The following MYOC variants were observed in gnomAD, a reference collection of about 807,000 sequenced individuals.
MYOC encodes the protein myocilin.
MYOC carries 29 observed loss-of-function variants against 28.2 expected under a neutral mutation model. That is an observed-to-expected ratio of 1.03 (90% confidence interval 0.77 to 1.40). MYOC has a LOEUF of 1.40. Ranked by LOEUF, MYOC falls within the 40% of genes most tolerant of loss-of-function variation. MYOC has a pLI of 0.00. For synonymous variants in MYOC, 240 were observed against 245.6 expected, an observed-to-expected ratio of 0.98 and a Z score of 0.21; for missense variants, 569 against 620.6, an observed-to-expected ratio of 0.92 and a Z score of 0.88.
Position 171,636,648 on chromosome 1 carries a change from A to C in MYOC, c.792T>G (p.Thr264=), listed in dbSNP as rs1304412356. 1.2e-6 allele frequency: 2 copies of C among 1,610,818 alleles called. No individual in the cohort carries two copies. Among genetic ancestry groups the C allele is most frequent in the Non-Finnish European group, 1.7e-6 (2 of 1,180,030 alleles). The part of the protein sequence containing the change: ...PLTLRTAETI[T]GKYGVWMRDP... ...CTCGCATCCACACACCATACTTGCCAGTAATTGTTTCTGCTGTTCTCAGCG... is the reference window on the plus strand; with the variant it reads ...CTCGCATCCACACACCATACTTGCCCGTAATTGTTTCTGCTGTTCTCAGCG... Residue 264 remains threonine, a synonymous_variant, in exon 3 of 3, where the codon ACT becomes ACG. Transcript: ENST00000037502.
intron 1 of MYOC, among the ~76,000 whole-genome samples, chr1:171,643,613 T>A (rs768380740): frequency 6.6e-6 from 1 of 152,202 alleles, no homozygotes; most frequent in Admixed American, 6.5e-5. Flanking sequence ...GTACCTCTTC[T>A]TGGATCACTG....
Position 171,648,633 on chromosome 1 carries a change from TTA to T in MYOC, c.604+3373_604+3374del, listed in dbSNP as rs1324815491. 6.8e-5 allele frequency among the ~76,000 whole-genome samples: 10 copies of T among 148,076 alleles called. No individual in the cohort carries two copies. The East Asian group carries it at 1.9e-3, about 29-fold the overall frequency. On this transcript the variant is annotated intron_variant, in intron 1 of 2. Transcript: ENST00000037502. ...TCTAGTAAATTATATATGTATTTTA[TTA>T]TATATATAATAAATTTATATATATA...
intron 1 of MYOC, among the ~76,000 whole-genome samples, chr1:171,647,249 G>A (rs1653226534): frequency 6.6e-6 from 1 of 152,202 alleles, no homozygotes; most frequent in Non-Finnish European, 1.5e-5. Flanking sequence ...ACCCTGGCCA[G>A]GTGCAGTGGC....
chr1:171,649,896 C>T (rs1452949048), intron 1 of MYOC, among the ~76,000 whole-genome samples: 1 of 152,216 alleles, frequency 6.6e-6, no homozygotes, highest in East Asian at 1.9e-4. Flanking sequence ...AATAACCTCT[C>T]TGGGCCTCAG....
intron 1 of MYOC, among the ~76,000 whole-genome samples, chr1:171,639,165 T>A (rs1239110539): frequency 6.6e-6 from 1 of 152,108 alleles, no homozygotes; most frequent in African/African-American, 2.4e-5. Flanking sequence ...AGATAAGGAC[T>A]GGGGATGGGT....
chr1:171,641,769 A>G (rs1253533894), intron 1 of MYOC, among the ~76,000 whole-genome samples: 1 of 152,152 alleles, frequency 6.6e-6, no homozygotes, highest in Non-Finnish European at 1.5e-5. Context: ...CAGGATTCTC[A>G]GGTGTTCAGG....
chr1:171,646,706 A>G (rs1390002709), intron 1 of MYOC, among the ~76,000 whole-genome samples: 1 of 152,034 alleles, frequency 6.6e-6, no homozygotes, highest in African/African-American at 2.4e-5. Flanking sequence ...CATATTGGCC[A>G]GGCTGGTCAC....
chr1:171,644,961 C>T (rs1653166139), intron 1 of MYOC, among the ~76,000 whole-genome samples: 1 of 152,170 alleles, frequency 6.6e-6, no homozygotes, highest in African/African-American at 2.4e-5. Context: ...GCCATGGCAG[C>T]TGCGAACTCT....
intron 1 of MYOC, among the ~76,000 whole-genome samples, chr1:171,645,955 A>G (rs1465584028): frequency 1.3e-5 from 2 of 152,266 alleles, no homozygotes; most frequent in Non-Finnish European, 2.9e-5. Flanking sequence ...ATGAACTGCA[A>G]TAAAACAAAA....
rs201096489 is a variant in MYOC at position 171,652,343 on chromosome 1, G to C, written c.269C>G (p.Ala90Gly). ...TQRLDLEATK[A>G]RLSSLESLLH... ...GAGGCTCTCCAGGGAGCTGAGTCGA[G>C]CTTTGGTGGCCTCCAGGTCTAAGCG... is the stretch of plus-strand genomic sequence containing the variant. Residue 90 changes from alanine to glycine, a missense_variant, in exon 1 of 3, where the codon GCT (alanine) becomes GGT (glycine). Ala to Gly is a moderately conservative substitution (Grantham distance 60). Transcript: ENST00000037502. 288 of 1,610,150 alleles carry C rather than the reference G, an allele frequency of 1.8e-4. No homozygotes were observed. Among genetic ancestry groups the C allele is most frequent in the Non-Finnish European group, 4.9e-5 (58 of 1,177,080 alleles).
chr1:171,643,601 C>T (rs914814207), intron 1 of MYOC, among the ~76,000 whole-genome samples: 3 of 152,210 alleles, frequency 2.0e-5, no homozygotes, highest in Non-Finnish European at 1.5e-5. Context: ...TTCCTTTCAT[C>T]TGTACCTCTT....
intron 1 of MYOC, among the ~76,000 whole-genome samples, chr1:171,642,270 C>T (rs1653093853): frequency 6.6e-6 from 1 of 152,192 alleles, no homozygotes; most frequent in Non-Finnish European, 1.5e-5. Flanking sequence ...GGTGGGTCCT[C>T]CATCCCTGGG....
In MYOC at chr1:171,652,629, G is replaced by A; in HGVS notation, c.-18C>T. The A allele has an allele frequency of 6.2e-7, 1 of 1,613,642 alleles. No homozygotes were observed. The highest frequency in any genetic ancestry group is 2.2e-5 in the East Asian group (1 of 44,872). On this transcript the variant is annotated 5_prime_UTR_variant, in exon 1 of 3. Coordinates refer to ENST00000037502, the MANE Select transcript of MYOC (RefSeq NM_000261.2). ...AACCTCATTGCAGAGGCTTGGTGAG[G>A]CTTCCTCTGGAAAGCTCTGCTGTGC...
At position 171,646,568 on chromosome 1, in the gene MYOC, C is replaced by T. The variant is rs1260683164; in HGVS notation, c.604+5440G>A. On this transcript the variant is annotated intron_variant, in intron 1 of 2. Transcript: ENST00000037502. ...CTGGAGTACAGTGGCATGATCTCAG[C>T]TCATTGCAACCTCTGCCTCCTGGGT... is the stretch of plus-strand genomic sequence containing the variant. Among the ~76,000 whole-genome samples, 7 of 150,630 alleles carry T rather than the reference C, an allele frequency of 4.6e-5. No homozygotes were observed. The East Asian group carries it at 1.4e-3, about 29-fold the overall frequency.
At chr1:171,649,194 A>G (rs1031137271) in intron 1 of MYOC, among the ~76,000 whole-genome samples, 6 of 152,186 alleles carry the variant, frequency 3.9e-5, no homozygotes, top group South Asian at 4.1e-4. Flanking sequence ...CATAACAACT[A>G]TTAATACATG....
At chr1:171,639,908 T>C (rs925282893) in intron 1 of MYOC, among the ~76,000 whole-genome samples, 1 of 126,528 alleles carries the variant, frequency 7.9e-6, no homozygotes, top group African/African-American at 3.1e-5. Flanking sequence ...TGTGCAACTG[T>C]ACTCCAGTCT....
rs2102945654 is a variant in MYOC, at chr1:171,638,719, G to A, written c.608C>T (p.Ser203Phe). ...RAVPPGSREV[S>F]TWNLDTLAFQ... ...GGCCAAAGTGTCCAAATTCCACGTA[G>A]AAACTGCATTAAAAGAAAGAGACAA... Residue 203 changes from serine to phenylalanine, a missense_variant, in exon 2 of 3, where the codon TCT (serine) becomes TTT (phenylalanine). By Grantham distance (155) the Ser-to-Phe change is radical (BLOSUM62 -2). Coordinates refer to ENST00000037502, the MANE Select transcript of MYOC (RefSeq NM_000261.2). 1 of 1,614,040 alleles carries A rather than the reference G, an allele frequency of 6.2e-7. No homozygotes were observed. Among genetic ancestry groups the A allele is most frequent in the Non-Finnish European group, 8.5e-7 (1 of 1,179,946 alleles).
chr1:171,641,718 C>G (rs537959005), intron 1 of MYOC, among the ~76,000 whole-genome samples: 17 of 152,348 alleles, frequency 1.1e-4, no homozygotes, highest in African/African-American at 4.1e-4. Context: ...TGCTGAACCT[C>G]TGAGTCACTT....
At chr1:171,639,652 C>CAAAAAAA (rs3980587) in intron 1 of MYOC, among the ~76,000 whole-genome samples, 14,507 of 114,574 alleles carry the variant, frequency 0.13, 1,198 homozygotes, top group Middle Eastern at 0.24. Context: ...CTCAAGGTCT[C>CAAAAAAA]AAAAAAAAAA....
Sources: gnomAD v4.1 joint callset for allele counts (sites outside exome capture counted in the v4.1 genomes callset) on GRCh38, gnomAD v4.1.1 for gene constraint, MANE v1.5 for transcripts, NCBI Gene and HGNC (gene_info 2026-07-23, HGNC 2026-07-21) for gene names.